The following XXYLT1 variants were observed in gnomAD, a reference collection of about 807,000 sequenced individuals.
XXYLT1 encodes UDP-xylose:alpha-xyloside alpha-1,3-xylosyltransferase.
XXYLT1 carries 20 observed loss-of-function variants against 28.9 expected under a neutral mutation model. That is an observed-to-expected ratio of 0.69 (90% CI 0.49 to 1.00). The LOEUF (loss-of-function observed/expected upper bound fraction) is 1.00. XXYLT1 is among the 50% of genes least tolerant of loss of function. The pLI, the probability that XXYLT1 is intolerant of heterozygous loss-of-function variation, is 0.00. For missense variants in XXYLT1, 542 were observed against 560.1 expected (o/e 0.97, Z 0.33); for synonymous variants, 257 against 253.8 (o/e 1.01, Z -0.12).
intron 2 of XXYLT1, among the ~76,000 whole-genome samples, chr3:195,196,687 G>A (rs940063715): frequency 9.9e-5 from 15 of 152,202 alleles, no homozygotes; most frequent in African/African-American, 3.6e-4. Context: ...ACTTGCTTGG[G>A]ATGCAAACTC....
In XXYLT1 at chr3:195,140,001, A is replaced by G. The variant is rs4630882; in HGVS notation, c.785+16448T>C. Among the ~76,000 whole-genome samples the G allele has an allele frequency of 4.9e-4, 74 of 152,300 alleles. 1 individual carries two copies. The East Asian group carries it at 0.012, about 24-fold the overall frequency. On this transcript the variant is annotated intron_variant, in intron 3 of 3. Transcript: ENST00000310380. ...TAGGGAGCAACACCCTCTCTGCAAG[A>G]CATCTTTAGGCTCTCTGGAGTACAT... is the stretch of plus-strand genomic sequence containing the variant.
At chr3:195,111,370 C>G (rs1717703685) in intron 3 of XXYLT1, among the ~76,000 whole-genome samples, 1 of 152,116 alleles carries the variant, frequency 6.6e-6, no homozygotes, top group Non-Finnish European at 1.5e-5. Flanking sequence ...GTGGTTAGGG[C>G]TTCAGCGTAT....
chr3:195,100,192 A>G (rs1716699656), intron 3 of XXYLT1, among the ~76,000 whole-genome samples: 2 of 152,124 alleles, frequency 1.3e-5, no homozygotes, highest in African/African-American at 2.4e-5. Flanking sequence ...TGGCCCAGCC[A>G]TGTCTGTCCC....
At chr3:195,096,500 AACACACACGAT>A (rs1716454837) in intron 3 of XXYLT1, among the ~76,000 whole-genome samples, 1 of 152,168 alleles carries the variant, frequency 6.6e-6, no homozygotes, top group African/African-American at 2.4e-5. Context: ...CATGCTGACA[AACACACACGAT>A]ACACACACAC....
At chr3:195,261,951 A>G (rs1307368679) in intron 1 of XXYLT1, among the ~76,000 whole-genome samples, 1 of 152,242 alleles carries the variant, frequency 6.6e-6, no homozygotes, top group Admixed American at 6.5e-5. Flanking sequence ...TGAGTTTGGC[A>G]GTTCCTCAAA....
chr3:195,088,377 C>A (rs539657918), intron 3 of XXYLT1, among the ~76,000 whole-genome samples: 6 of 147,128 alleles, frequency 4.1e-5, no homozygotes, highest in African/African-American at 1.5e-4. Context: ...GTCCCTGACC[C>A]CTGACCCCCG....
At chr3:195,141,155 C>T (rs901691702) in intron 3 of XXYLT1, among the ~76,000 whole-genome samples, 3 of 152,188 alleles carry the variant, frequency 2.0e-5, no homozygotes, top group African/African-American at 7.2e-5. Flanking sequence ...TATAAGCTAC[C>T]TAATCTATGG....
intron 1 of XXYLT1, among the ~76,000 whole-genome samples, chr3:195,259,363 G>C (rs1172612150): frequency 6.6e-6 from 1 of 152,186 alleles, no homozygotes; most frequent in Non-Finnish European, 1.5e-5. Context: ...GTGAAGTCAA[G>C]GTCCCTGTGG....
At chr3:195,170,966 C>A (rs954952437) in intron 2 of XXYLT1, among the ~76,000 whole-genome samples, 1 of 152,168 alleles carries the variant, frequency 6.6e-6, no homozygotes, top group Non-Finnish European at 1.5e-5. Flanking sequence ...TTCAGTCAAA[C>A]CTCTGTGTCC....
At position 195,110,923 on chromosome 3, in the gene XXYLT1, G is replaced by GT. The variant is rs1207179840; in HGVS notation, c.786-40813_786-40812insA. Among the ~76,000 whole-genome samples, 12 of 15,284 alleles carry GT rather than the reference G, an allele frequency of 7.9e-4. 1 individual carries two copies. Among genetic ancestry groups the GT allele is most frequent in the Non-Finnish European group, 2.0e-3 (11 of 5,498 alleles). The allele number at this position is 15,284 out of a possible 152,430, so 10.0% of individuals were successfully genotyped here. A position where few individuals can be genotyped will look rare whatever the true frequency, so the allele number is the denominator to read the frequency against. On this transcript the variant is annotated intron_variant, in intron 3 of 3. Coordinates refer to ENST00000310380, the MANE Select transcript of XXYLT1 (RefSeq NM_152531.5). ...GGTGAGGTGTGTGGTGTGTGTGTGTGGTGTGTGTGAGGTATGTGTATGTGG... is the reference window on the plus strand; with the variant it reads ...GGTGAGGTGTGTGGTGTGTGTGTGTGTGTGTGTGTGAGGTATGTGTATGTGG...
At chr3:195,134,833 G>A (rs944459593) in intron 3 of XXYLT1, among the ~76,000 whole-genome samples, 1 of 96,668 alleles carries the variant, frequency 1.0e-5, no homozygotes, top group East Asian at 7.2e-4. Context: ...AGGGGTGTGT[G>A]TGTGTGTGTG....
chr3:195,097,246 CACAG>C (rs759455694), intron 3 of XXYLT1, among the ~76,000 whole-genome samples: 15 of 152,212 alleles, frequency 9.9e-5, no homozygotes, highest in Non-Finnish European at 1.8e-4. Context: ...AGAATACATA[CACAG>C]ACAGACAGAC....
At chr3:195,138,331 T>C (rs1316165048) in intron 3 of XXYLT1, among the ~76,000 whole-genome samples, 1 of 152,112 alleles carries the variant, frequency 6.6e-6, no homozygotes, top group Non-Finnish European at 1.5e-5. Flanking sequence ...CTACCTAGAC[T>C]GGATTTGTGA....
At chr3:195,270,015 A>G in intron 1 of XXYLT1, 1 of 193,404 alleles carries the variant, frequency 5.2e-6, no homozygotes, top group Non-Finnish European at 1.1e-5. Context: ...TGACCCTTGG[A>G]GGAAGGGGAA....
intron 2 of XXYLT1, among the ~76,000 whole-genome samples, chr3:195,190,983 G>T (rs1045158739): frequency 9.2e-5 from 14 of 151,564 alleles, no homozygotes; most frequent in Non-Finnish European, 1.0e-4. Context: ...AATAACAGAG[G>T]TACAAAAAAG....
intron 3 of XXYLT1, among the ~76,000 whole-genome samples, chr3:195,114,410 A>G (rs1304448002): frequency 1.3e-5 from 2 of 151,932 alleles, no homozygotes; most frequent in Non-Finnish European, 2.9e-5. Context: ...GCTTCTTTTC[A>G]TTTCACTCCA....
chr3:195,201,960 T>C (rs559212681), intron 2 of XXYLT1, among the ~76,000 whole-genome samples: 4 of 152,218 alleles, frequency 2.6e-5, no homozygotes, highest in South Asian at 2.1e-4. Flanking sequence ...GGGCGGATCA[T>C]GAGGTCAGAA....
chr3:195,134,830 T>G (rs1405642419), intron 3 of XXYLT1, among the ~76,000 whole-genome samples: 4 of 38,482 alleles, frequency 1.0e-4, no homozygotes, highest in South Asian at 7.8e-4. Context: ...AAGAGGGGTG[T>G]GTGTGTGTGT....
chr3:195,102,146 A>C (rs1716826197), intron 3 of XXYLT1, among the ~76,000 whole-genome samples: 1 of 152,250 alleles, frequency 6.6e-6, no homozygotes, highest in Admixed American at 6.5e-5. Flanking sequence ...GTTTTCCAAC[A>C]GAATAGAATG....
Sources: gnomAD v4.1 joint callset for allele counts (sites outside exome capture counted in the v4.1 genomes callset) on GRCh38, gnomAD v4.1.1 for gene constraint, MANE v1.5 for transcripts, NCBI Gene and HGNC (gene_info 2026-07-23, HGNC 2026-07-21) for gene names.